Variants in PHLDB2 observed in about 807,000 individuals in gnomAD.
PHLDB2 encodes the protein pleckstrin homology like domain family B member 2, also known as pleckstrin homology-like domain family B member 2.
Under a neutral mutation model 123.6 loss-of-function variants are expected in PHLDB2, and 71 were observed. The observed-to-expected ratio is 0.57, with a 90% CI of 0.47 to 0.70. The LOEUF is 0.70. PHLDB2 is among the 30% of genes least tolerant of loss of function. The pLI is 0.00. For synonymous variants in PHLDB2, 547 were observed against 541.6 expected, an observed-to-expected ratio of 1.01 and a Z score of -0.14; for missense variants, 1,446 against 1,519.5, an observed-to-expected ratio of 0.95 and a Z score of 0.80.
At chr3:111,773,658 G>T (rs780105730) in intron 1 of PHLDB2, among the ~76,000 whole-genome samples, 8 of 152,178 alleles carry the variant, frequency 5.3e-5, no homozygotes, top group Non-Finnish European at 8.8e-5. Flanking sequence ...GACTGGCAGA[G>T]TGCCTGTATG....
intron 1 of PHLDB2, among the ~76,000 whole-genome samples, chr3:111,801,844 A>T (rs1421799728): frequency 6.6e-6 from 1 of 151,516 alleles, no homozygotes; most frequent in Non-Finnish European, 1.5e-5. Context: ...GGGAGGAGGG[A>T]AGAGTAAGGA....
intron 1 of PHLDB2, among the ~76,000 whole-genome samples, chr3:111,761,183 C>CAAAAAAAAAAAAAAAAAAAAA (rs60999461): frequency 9.0e-6 from 1 of 111,332 alleles, no homozygotes. Flanking sequence ...GACTCCATCT[C>CAAAAAAAAAAAAAAAAAAAAA]AAAAAAAAAA....
intron 2 of PHLDB2, among the ~76,000 whole-genome samples, chr3:111,895,873 C>CT (rs1553746643): frequency 0.2 from 30,151 of 148,488 alleles, 3,356 homozygotes; most frequent in Middle Eastern, 0.29. Context: ...TCTATCTATC[C>CT]ATCTATCTAT....
intron 7 of PHLDB2, 116 bp downstream of exon 7, chr3:111,939,746 A>G (rs1408059754): frequency 4.8e-6 from 5 of 1,037,338 alleles, no homozygotes; most frequent in Non-Finnish European, 6.8e-6. Context: ...TCTGCCATGT[A>G]TGTGGCAAAT....
intron 1 of PHLDB2, among the ~76,000 whole-genome samples, chr3:111,752,544 T>C (rs2059799975): frequency 6.6e-6 from 1 of 151,920 alleles, no homozygotes; most frequent in African/African-American, 2.4e-5. Context: ...TGCATCTATT[T>C]TGCTGTTAGT....
At chr3:111,788,891 G>A (rs1271661078) in intron 1 of PHLDB2, among the ~76,000 whole-genome samples, 2 of 152,110 alleles carry the variant, frequency 1.3e-5, no homozygotes, top group African/African-American at 4.8e-5. Flanking sequence ...AATAACTTAC[G>A]GGAAAGCACC....
chr3:111,790,824 T>C (rs2060887403), intron 1 of PHLDB2, among the ~76,000 whole-genome samples: 1 of 152,158 alleles, frequency 6.6e-6, no homozygotes, highest in African/African-American at 2.4e-5. Flanking sequence ...TATAGTAATA[T>C]AGAGAAGTAA....
At chr3:111,787,597 C>T (rs1365070464) in intron 1 of PHLDB2, among the ~76,000 whole-genome samples, 3 of 152,174 alleles carry the variant, frequency 2.0e-5, no homozygotes. Context: ...TTTTCAAAGA[C>T]ATGGTTGGTA....
intron 1 of PHLDB2, among the ~76,000 whole-genome samples, chr3:111,829,364 C>G (rs2108459672): frequency 1.3e-5 from 2 of 150,516 alleles, no homozygotes; most frequent in East Asian, 3.9e-4. Context: ...TCACTCAACT[C>G]TCCCATCCTG....
intron 1 of PHLDB2, chr3:111,732,815 C>G (rs1317627062): frequency 1.2e-6 from 1 of 845,910 alleles, no homozygotes; most frequent in Non-Finnish European, 1.8e-6. Flanking sequence ...ATATGGTAGA[C>G]CCGGGTGTGT....
At chr3:111,863,342 G>T (rs1475001159) in intron 1 of PHLDB2, among the ~76,000 whole-genome samples, 2 of 152,192 alleles carry the variant, frequency 1.3e-5, no homozygotes, top group Non-Finnish European at 1.5e-5. Flanking sequence ...TACATGAATG[G>T]ATAGGGCTGG....
At chr3:111,848,966 CTA>C (rs944248243) in intron 2 of PHLDB2, among the ~76,000 whole-genome samples, 4 of 152,240 alleles carry the variant, frequency 2.6e-5, no homozygotes, top group Non-Finnish European at 4.4e-5. Context: ...TAAGTGGACT[CTA>C]TGATGTTTGC....
intron 1 of PHLDB2, among the ~76,000 whole-genome samples, chr3:111,789,089 T>C (rs1243457098): frequency 6.6e-6 from 1 of 152,240 alleles, no homozygotes; most frequent in Non-Finnish European, 1.5e-5. Flanking sequence ...CCCTGAGTTT[T>C]ACTTTTCCCA....
Position 111,741,509 on chromosome 3 carries a change from TTGTGTGTGTCCATG to T in PHLDB2, c.-49+8816_-49+8829del, listed in dbSNP as rs2059604101. 2.0e-5 allele frequency among the ~76,000 whole-genome samples: 3 copies of T among 150,884 alleles called. No homozygotes were observed. In the South Asian group the frequency reaches 6.4e-4, roughly 32 times the overall value. On this transcript the variant is annotated intron_variant, in intron 1 of 17. Transcript: ENST00000393923. ...GATGGAACTAAAATAATTTACAAGT[TTGTGTGTGTCCATG>T]TGTGTGTGTGCATGTCTCTGTGTGT...
At chr3:111,892,165 A>G (rs2066540424) in intron 2 of PHLDB2, among the ~76,000 whole-genome samples, 1 of 152,206 alleles carries the variant, frequency 6.6e-6, no homozygotes, top group African/African-American at 2.4e-5. Flanking sequence ...TTACACACAT[A>G]CGAATTTTTT....
chr3:111,931,466 G>A (rs896119504), intron 5 of PHLDB2, among the ~76,000 whole-genome samples: 48 of 152,164 alleles, frequency 3.2e-4, no homozygotes, highest in Non-Finnish European at 5.3e-4. Context: ...ACTTGGAAGG[G>A]ATTTAGTATT....
chr3:111,744,037 A>C (rs2059644815), intron 1 of PHLDB2, among the ~76,000 whole-genome samples: 3 of 152,228 alleles, frequency 2.0e-5, no homozygotes, highest in South Asian at 4.1e-4. Context: ...GAGAAAGTAC[A>C]TTTGCAACAT....
At position 111,975,637 on chromosome 3, in the gene PHLDB2, T is replaced by C. The variant is rs1250313493; in HGVS notation, c.*1074T>C. ...ACTTAATATTCTCTATAATGTATTA[T>C]TTTATTTTATTTTTTACAATTAGCC... On this transcript the variant is annotated 3_prime_UTR_variant, in exon 18 of 18. Transcript: ENST00000431670. The C allele has an allele frequency of 6.6e-6, 1 of 152,586 alleles. No homozygotes were observed. Among genetic ancestry groups the C allele is most frequent in the African/African-American group, 2.4e-5 (1 of 41,444 alleles). The allele number at this position is 152,586 out of a possible 1,614,324, so 9.5% of individuals were successfully genotyped here.
chr3:111,872,379 C>G (rs1207369261), intron 1 of PHLDB2, among the ~76,000 whole-genome samples: 2 of 152,148 alleles, frequency 1.3e-5, no homozygotes, highest in African/African-American at 4.8e-5. Context: ...TCTTTGCCTC[C>G]TCTCTTACAC....
Sources: allele counts gnomAD v4.1 joint callset (sites outside exome capture counted in the v4.1 genomes callset), GRCh38; gene constraint gnomAD v4.1.1; transcripts MANE v1.5; gene names NCBI Gene and HGNC (gene_info 2026-07-23, HGNC 2026-07-21).